Variants in DNAH17 observed in about 807,000 individuals in gnomAD.
DNAH17 encodes axonemal beta dynein heavy chain 17.
DNAH17 carries 376 observed loss-of-function variants against 485.6 expected under a neutral mutation model. That is an observed-to-expected ratio of 0.77 (90% confidence interval 0.71 to 0.84). DNAH17 has a LOEUF of 0.84. DNAH17 is among the 40% of genes least tolerant of loss of function. The pLI, the probability that DNAH17 is intolerant of heterozygous loss-of-function variation, is 0.00. For missense variants in DNAH17, 6,370 were observed against 5,839.3 expected, an observed-to-expected ratio of 1.09 and a Z score of -2.96; for synonymous variants, 3,031 against 2,405.9, an observed-to-expected ratio of 1.26 and a Z score of -7.60.
intron 73 of DNAH17, 21 bp downstream of exon 73, chr17:78,439,069 G>A (rs1202635742): frequency 8.1e-6 from 13 of 1,610,482 alleles, no homozygotes; most frequent in African/African-American, 1.3e-5. Flanking sequence ...CCCTTACCCT[G>A]CAGTGCTGGC....
In DNAH17 at chr17:78,433,915, GGGAGGGAAGGAAGGAGGGAGGGAA is replaced by G. The variant is rs1473650128; in HGVS notation, c.12225+90_12225+113del. On this transcript the variant is annotated intron_variant, in intron 75 of 80. Coordinates refer to ENST00000389840, the MANE Select transcript of DNAH17 (RefSeq NM_173628.4). ...GCCTAAGACAAAGACCAAAAGGAAA[GGGAGGGAAGGAAGGAGGGAGGGAA>G]GGAGGGAGGGAAGGAGGGAGGGAAG... 5.3e-3 allele frequency: 2,702 copies of G among 505,840 alleles called. 44 individuals carry two copies. The highest frequency in any genetic ancestry group is 0.048 in the African/African-American group (1,804 of 37,716). The allele number at this position is 505,840 out of a possible 1,614,324, so 31.3% of individuals were successfully genotyped here.
chr17:78,495,048 G>A lies in DNAH17; in HGVS notation c.5953C>T (p.Leu1985Phe), dbSNP rs773368886. Residue 1985 changes from leucine to phenylalanine, a missense_variant, in exon 39 of 81, where the codon CTC becomes TTC. By Grantham distance (22) the Leu-to-Phe change is conservative (BLOSUM62 0). Coordinates refer to ENST00000389840, the MANE Select transcript of DNAH17 (RefSeq NM_173628.4). Reference protein sequence around the residue: ...PDFELICEIMLMAEGFLEARL... With the variant: ...PDFELICEIMFMAEGFLEARL... ...GCTTCCAGAAAGCCCTCGGCCATGA[G>A]CATGATCTCACATATCAGTTCGAAG... 2.5e-6 allele frequency: 4 copies of A among 1,611,338 alleles called. No homozygotes were observed. The Admixed American group carries it at 6.7e-5, about 27-fold the overall frequency.
chr17:78,436,862 A>G (rs1194947671), intron 74 of DNAH17, among the ~76,000 whole-genome samples: 2 of 151,942 alleles, frequency 1.3e-5, no homozygotes, highest in African/African-American at 4.8e-5. Flanking sequence ...ACAAACAAAC[A>G]AACAAACAAA....
At chr17:78,453,561 C>T in intron 64 of DNAH17, 96 bp from the exon 65 acceptor site, 3 of 1,509,704 alleles carry the variant, frequency 2.0e-6, no homozygotes, top group Non-Finnish European at 2.7e-6. Flanking sequence ...CTGAGCGAGA[C>T]AGCGCCAAGC....
chr17:78,512,182 A>G (rs1032914979), intron 26 of DNAH17, among the ~76,000 whole-genome samples: 3 of 152,134 alleles, frequency 2.0e-5, no homozygotes, highest in African/African-American at 7.2e-5. Flanking sequence ...ATAGGTACGG[A>G]TCTCTTGGGA....
chr17:78,425,137 C>T, intron 80 of DNAH17: 1 of 567,952 alleles, frequency 1.8e-6, no homozygotes, highest in East Asian at 3.0e-5. Context: ...TGGTCTCCTC[C>T]AGACCCTGCA....
At chr17:78,560,476 T>G (rs62075927) in intron 13 of DNAH17, among the ~76,000 whole-genome samples, 16,025 of 140,684 alleles carry the variant, frequency 0.11, 1,004 homozygotes, top group Middle Eastern at 0.15. Flanking sequence ...GGCAAAGACT[T>G]TTTCCCCCCC....
intron 20 of DNAH17, among the ~76,000 whole-genome samples, chr17:78,531,732 T>G (rs2091245272): frequency 6.6e-6 from 1 of 152,242 alleles, no homozygotes; most frequent in Non-Finnish European, 1.5e-5. Flanking sequence ...TCTTTTGCAT[T>G]CAATCTGTCT....
chr17:78,486,581 C>T (rs2089619932), intron 44 of DNAH17, 75 bp from the exon 45 acceptor site: 8 of 1,485,220 alleles, frequency 5.4e-6, no homozygotes, highest in East Asian at 2.4e-5. Context: ...GGTAAACGCC[C>T]CTCCCTACCT....
intron 70 of DNAH17, 87 bp from the exon 71 acceptor site, chr17:78,444,884 G>A: frequency 7.5e-7 from 1 of 1,325,914 alleles, no homozygotes; most frequent in Non-Finnish European, 1.0e-6. Flanking sequence ...AAGGAGGAGA[G>A]GCCATTACCC....
intron 2 of DNAH17, 123 bp from the exon 3 acceptor site, chr17:78,573,017 C>A (rs573789194): frequency 4.9e-5 from 40 of 812,230 alleles, no homozygotes; most frequent in African/African-American, 7.2e-5. Context: ...AACTGGGTCC[C>A]GCACAGAGCC....
At chr17:78,455,891 C>G in intron 62 of DNAH17, 55 bp from the exon 63 acceptor site, 2 of 1,427,260 alleles carry the variant, frequency 1.4e-6, no homozygotes, top group Middle Eastern at 3.8e-4. Flanking sequence ...GGGACTGGAC[C>G]AGACAAGCCT....
intron 75 of DNAH17, 97 bp downstream of exon 75, chr17:78,433,932 G>A (rs2086770737): frequency 1.2e-6 from 1 of 869,366 alleles, no homozygotes; most frequent in Non-Finnish European, 1.6e-6. Context: ...AAGGAAGGAG[G>A]GAGGGAAGGA....
chr17:78,447,207 A>G (rs2087346506), intron 69 of DNAH17, among the ~76,000 whole-genome samples: 1 of 152,010 alleles, frequency 6.6e-6, no homozygotes, highest in Non-Finnish European at 1.5e-5. Flanking sequence ...GATACTAGGC[A>G]TGAGCCTCAG....
chr17:78,475,631 A>G (rs1424165190), intron 53 of DNAH17, 38 bp downstream of exon 53: 3 of 1,610,386 alleles, frequency 1.9e-6, no homozygotes, highest in South Asian at 1.1e-5. Context: ...GACCCGGTCC[A>G]GGTCCCGTGC....
rs76721067 is a variant in DNAH17 at position 78,505,479 on chromosome 17, G to C, written c.4804-34C>G. 2.1e-3 allele frequency: 3,326 copies of C among 1,613,352 alleles called. 53 individuals carry two copies. The African/African-American group carries it at 0.035, about 17-fold the overall frequency. ...AGGCAAGAAGCGGGAATTATGCAAC[G>C]GGGGATTTGAAAGGCATGTGCGTGG... is the stretch of plus-strand genomic sequence containing the variant. On this transcript the variant is annotated intron_variant, in intron 30 of 80. Coordinates refer to ENST00000389840, the MANE Select transcript of DNAH17 (RefSeq NM_173628.4).
At chr17:78,542,756 G>A (rs1036682539) in intron 17 of DNAH17, among the ~76,000 whole-genome samples, 1 of 152,214 alleles carries the variant, frequency 6.6e-6, no homozygotes, top group Non-Finnish European at 1.5e-5. Flanking sequence ...AGGTAGCAAA[G>A]CAGGCGTGCA....
chr17:78,432,006 T>C (rs2086692153), intron 75 of DNAH17, among the ~76,000 whole-genome samples: 1 of 151,540 alleles, frequency 6.6e-6, no homozygotes, highest in East Asian at 1.9e-4. Flanking sequence ...ACCCCGTCTT[T>C]ACAGAACAAA....
At chr17:78,484,167 C>G (rs140205014) in intron 48 of DNAH17, among the ~76,000 whole-genome samples, 253 of 143,854 alleles carry the variant, frequency 1.8e-3, no homozygotes, top group African/African-American at 6.1e-3. Flanking sequence ...AACTGCAAAC[C>G]TAAACGTGCC....
Sources: allele counts gnomAD v4.1 joint callset (sites outside exome capture counted in the v4.1 genomes callset), GRCh38; gene constraint gnomAD v4.1.1; transcripts MANE v1.5; gene names NCBI Gene and HGNC (gene_info 2026-07-23, HGNC 2026-07-21).